The following ASIC2 variants were observed in gnomAD, a reference collection of about 807,000 sequenced individuals.
ASIC2 encodes the protein acid sensing ion channel subunit 2, also known as acid-sensing ion channel 2.
ASIC2 carries 25 observed loss-of-function variants against 57.3 expected under a neutral mutation model. The observed-to-expected ratio is 0.44, with a 90% confidence interval of 0.32 to 0.61. The LOEUF is 0.61. Among genes scored for constraint, ASIC2 ranks in the 20% least tolerant of loss-of-function variants. The pLI, the probability that ASIC2 is intolerant of heterozygous loss-of-function variation, is 0.06. For synonymous variants in ASIC2, 319 were observed against 307.5 expected (o/e 1.04, Z -0.39); for missense variants, 641 against 738.1 (o/e 0.87, Z 1.52).
chr17:33,166,166 C>T (rs929987272), intron 1 of ASIC2, among the ~76,000 whole-genome samples: 3 of 152,146 alleles, frequency 2.0e-5, no homozygotes, highest in African/African-American at 7.2e-5. Context: ...CCTGAATTTA[C>T]ACAATTGCTC....
intron 1 of ASIC2, among the ~76,000 whole-genome samples, chr17:33,959,317 C>T (rs547366079): frequency 3.9e-5 from 6 of 152,266 alleles, no homozygotes; most frequent in Admixed American, 1.3e-4. Context: ...CACCCTACTC[C>T]TGGTACCAAT....
At chr17:33,635,236 GA>G (rs1567675573) in intron 1 of ASIC2, among the ~76,000 whole-genome samples, 2 of 152,166 alleles carry the variant, frequency 1.3e-5, no homozygotes, top group African/African-American at 4.8e-5. Flanking sequence ...GGTCAATAAT[GA>G]TAATAATAAC....
intron 1 of ASIC2, among the ~76,000 whole-genome samples, chr17:33,641,034 C>T (rs1219512585): frequency 1.3e-5 from 2 of 152,178 alleles, no homozygotes; most frequent in East Asian, 1.9e-4. Flanking sequence ...CTTTAGGCCA[C>T]GGAGTAACTT....
At chr17:33,306,368 TC>T (rs1906174757) in intron 1 of ASIC2, among the ~76,000 whole-genome samples, 1 of 152,214 alleles carries the variant, frequency 6.6e-6, no homozygotes, top group Non-Finnish European at 1.5e-5. Flanking sequence ...TTTTTCCATT[TC>T]ACATACCCAC....
intron 1 of ASIC2, among the ~76,000 whole-genome samples, chr17:34,140,603 A>C (rs1169910370): frequency 6.6e-6 from 1 of 152,212 alleles, no homozygotes; most frequent in Non-Finnish European, 1.5e-5. Context: ...AAGAAAAAAA[A>C]CTTTCAAAAA....
intron 1 of ASIC2, among the ~76,000 whole-genome samples, chr17:33,961,067 G>T (rs1387721158): frequency 6.6e-6 from 1 of 152,210 alleles, no homozygotes; most frequent in Admixed American, 6.5e-5. Flanking sequence ...GATGATCAAC[G>T]CCCAGGCCAA....
chr17:33,717,140 AT>A (rs1909248877), intron 1 of ASIC2, among the ~76,000 whole-genome samples: 1 of 152,244 alleles, frequency 6.6e-6, no homozygotes, highest in South Asian at 2.1e-4. Flanking sequence ...TCAGCACCTC[AT>A]TCACACTTCA....
chr17:33,504,212 A>G (rs1221966369), intron 1 of ASIC2, among the ~76,000 whole-genome samples: 1 of 152,222 alleles, frequency 6.6e-6, no homozygotes, highest in Non-Finnish European at 1.5e-5. Flanking sequence ...TCTCCTGGGC[A>G]TACTTGTATG....
intron 1 of ASIC2, among the ~76,000 whole-genome samples, chr17:33,524,004 A>T (rs1403642597): frequency 6.6e-6 from 1 of 152,026 alleles, no homozygotes; most frequent in Admixed American, 6.5e-5. Context: ...TCAGTCATAC[A>T]CTCAGGGGTC....
In ASIC2 at chr17:34,028,032, G is replaced by A. The variant is rs567485937; in HGVS notation, c.555+127946C>T. Among the ~76,000 whole-genome samples, 3 of 152,320 alleles carry A rather than the reference G, an allele frequency of 2.0e-5. No homozygotes were observed. The South Asian group carries it at 6.2e-4, about 32-fold the overall frequency. On this transcript the variant is annotated intron_variant, in intron 1 of 9. Transcript: ENST00000359872. ...TGTTATCATATTCCACATATATGAG[G>A]AAAATGAGGTTCAGAGGTGAGTTTT...
chr17:33,309,290 A>C (rs1831734067), intron 1 of ASIC2, among the ~76,000 whole-genome samples: 2 of 152,306 alleles, frequency 1.3e-5, no homozygotes, highest in South Asian at 4.1e-4. Flanking sequence ...TACCCCATTA[A>C]AATGATAGTA....
intron 1 of ASIC2, among the ~76,000 whole-genome samples, chr17:34,015,909 C>T (rs550393478): frequency 5.9e-5 from 9 of 152,318 alleles, no homozygotes; most frequent in South Asian, 2.1e-4. Flanking sequence ...GACCAACTCA[C>T]GTGCCTACCA....
intron 1 of ASIC2, among the ~76,000 whole-genome samples, chr17:34,011,032 T>C (rs375592231): frequency 3.8e-4 from 1 of 2,650 alleles, no homozygotes; most frequent in Admixed American, 4.8e-3. Context: ...GTCAGACACA[T>C]GCACACACAC....
At chr17:33,407,830 C>T (rs1161765506) in intron 1 of ASIC2, among the ~76,000 whole-genome samples, 7 of 152,300 alleles carry the variant, frequency 4.6e-5, no homozygotes, top group Admixed American at 2.0e-4. Context: ...GGTAGCAACC[C>T]TATAGTCTCT....
intron 1 of ASIC2, among the ~76,000 whole-genome samples, chr17:33,814,530 T>C (rs962199252): frequency 6.6e-6 from 1 of 152,190 alleles, no homozygotes; most frequent in African/African-American, 2.4e-5. Context: ...CATAAAATAA[T>C]GTGCCCGTAA....
chr17:33,024,373 G>C (rs1002737203), intron 5 of ASIC2, among the ~76,000 whole-genome samples: 1 of 152,128 alleles, frequency 6.6e-6, no homozygotes, highest in Non-Finnish European at 1.5e-5. Flanking sequence ...AAATGTAGGA[G>C]ACCATTTTAT....
At chr17:33,673,809 G>A (rs979089406) in intron 1 of ASIC2, among the ~76,000 whole-genome samples, 2 of 152,078 alleles carry the variant, frequency 1.3e-5, no homozygotes, top group Admixed American at 6.5e-5. Context: ...AGAATCATTC[G>A]TGAAGCTTTG....
intron 1 of ASIC2, among the ~76,000 whole-genome samples, chr17:33,878,199 G>A (rs1037742675): frequency 3.9e-5 from 6 of 152,324 alleles, no homozygotes; most frequent in Admixed American, 2.0e-4. Context: ...AAATCAGAGC[G>A]CCTCTCCTCC....
chr17:33,702,557 A>C (rs970635383), intron 1 of ASIC2, among the ~76,000 whole-genome samples: 4 of 152,162 alleles, frequency 2.6e-5, no homozygotes, highest in African/African-American at 9.7e-5. Context: ...ACTTGTGTCC[A>C]AAAGGAAAAA....
Sources: allele counts gnomAD v4.1 joint callset (sites outside exome capture counted in the v4.1 genomes callset), GRCh38; gene constraint gnomAD v4.1.1; transcripts MANE v1.5; gene names NCBI Gene and HGNC (gene_info 2026-07-23, HGNC 2026-07-21).